Variants in CCDC150 observed in about 807,000 individuals in gnomAD.
The protein encoded by CCDC150 is coiled-coil domain containing 150.
A neutral mutation model predicts 156.5 loss-of-function variants in CCDC150; 151 were observed. The observed-to-expected ratio is 0.97, with a 90% CI of 0.85 to 1.10. The LOEUF (loss-of-function observed/expected upper bound fraction) is 1.10. Among genes scored for constraint, CCDC150 ranks in the 50% least tolerant of loss-of-function variants. The pLI is 0.00. For missense variants in CCDC150, 1,312 were observed against 1,268.1 expected (o/e 1.03, Z -0.53); for synonymous variants, 452 against 429.4 (o/e 1.05, Z -0.65).
chr2:196,717,617 C>T (rs1466782055), intron 17 of CCDC150, among the ~76,000 whole-genome samples: 1 of 152,076 alleles, frequency 6.6e-6, no homozygotes, highest in Non-Finnish European at 1.5e-5. Context: ...AGGGGCGGGG[C>T]GTGGTTTCTC....
At chr2:196,713,002 A>G in intron 17 of CCDC150, 1 of 506,828 alleles carries the variant, frequency 2.0e-6, no homozygotes, top group Non-Finnish European at 3.5e-6. Context: ...TGTGTCTATG[A>G]TATTTGTGTA....
chr2:196,646,302 A>G, intron 1 of CCDC150, 39 bp from the exon 2 acceptor site: 1 of 1,596,108 alleles, frequency 6.3e-7, no homozygotes, highest in Non-Finnish European at 8.6e-7. Flanking sequence ...TTGAACAATA[A>G]TAGGACCTAC....
intron 13 of CCDC150, among the ~76,000 whole-genome samples, chr2:196,678,040 C>T (rs997727508): frequency 6.6e-6 from 1 of 152,082 alleles, no homozygotes; most frequent in African/African-American, 2.4e-5. Context: ...TACCTATCAG[C>T]ACCTGCCACT....
rs1553567366 is a variant in CCDC150 at position 196,721,361 on chromosome 2, T to TATATACACACATATATAC, written c.2260-156_2260-155insCACACATATATACATATA. 3.6e-4 allele frequency among the ~76,000 whole-genome samples: 18 copies of TATATACACACATATATAC among 49,832 alleles called. 6 individuals carry two copies. In the East Asian group the frequency reaches 0.011, roughly 31 times the overall value. 32.7% of individuals were successfully genotyped at this position (49,832 alleles called of 152,430 possible). A position where few individuals can be genotyped will look rare whatever the true frequency, so the allele number is the denominator to read the frequency against. ...ATTCATATATGTGTGTGCATATATATATATATATTTTCCAGGCAGCTGGAA... is the reference window on the plus strand; with the variant it reads ...ATTCATATATGTGTGTGCATATATATATATACACACATATATACATATATATTTTCCAGGCAGCTGGAA... On this transcript the variant is annotated intron_variant, in intron 20 of 27. Coordinates refer to ENST00000389175, the MANE Select transcript of CCDC150 (RefSeq NM_001080539.2).
At chr2:196,686,589 A>T (rs922546641) in intron 13 of CCDC150, among the ~76,000 whole-genome samples, 1 of 152,086 alleles carries the variant, frequency 6.6e-6, no homozygotes, top group Non-Finnish European at 1.5e-5. Context: ...GTTGTCGTGC[A>T]ATAGAGAGTA....
chr2:196,680,459 A>C (rs1280051500), intron 13 of CCDC150, among the ~76,000 whole-genome samples: 2 of 151,544 alleles, frequency 1.3e-5, no homozygotes, highest in African/African-American at 2.4e-5. Flanking sequence ...ATGCCACCAC[A>C]CTCAGCTAAT....
intron 10 of CCDC150, among the ~76,000 whole-genome samples, chr2:196,675,450 A>G (rs1694436561): frequency 6.6e-6 from 1 of 152,166 alleles, no homozygotes; most frequent in African/African-American, 2.4e-5. Flanking sequence ...GCAATCAAAT[A>G]TTGTTAAAAT....
At chr2:196,699,364 A>T (rs896678660) in intron 14 of CCDC150, among the ~76,000 whole-genome samples, 1 of 152,204 alleles carries the variant, frequency 6.6e-6, no homozygotes, top group African/African-American at 2.4e-5. Context: ...CCAAAGCCTA[A>T]TATTGGGTAT....
At position 196,639,752 on chromosome 2, in the gene CCDC150, G is replaced by A. The variant is rs1162180146; in HGVS notation, c.-15G>A. On this transcript the variant is annotated 5_prime_UTR_variant, in exon 1 of 28. Coordinates refer to ENST00000389175, the MANE Select transcript of CCDC150 (RefSeq NM_001080539.2). ...ACCCGCTCGCCTGCTGCAGTACGGA[G>A]CCTCAGGCGGACAGATGGACTGTAA... 2.5e-6 allele frequency: 4 copies of A among 1,570,120 alleles called. No individual in the cohort carries two copies. Among genetic ancestry groups the A allele is most frequent in the Non-Finnish European group, 3.5e-6 (4 of 1,153,518 alleles).
At chr2:196,696,168 A>T (rs1695814454) in intron 14 of CCDC150, among the ~76,000 whole-genome samples, 1 of 152,272 alleles carries the variant, frequency 6.6e-6, no homozygotes, top group Admixed American at 6.5e-5. Context: ...TCAGTTTCTT[A>T]ATCTGTCAAA....
intron 13 of CCDC150, among the ~76,000 whole-genome samples, chr2:196,690,682 T>C (rs1695406672): frequency 6.6e-6 from 1 of 152,176 alleles, no homozygotes; most frequent in Non-Finnish European, 1.5e-5. Context: ...TTTTTCTATT[T>C]GAATGCCCTT....
At chr2:196,716,843 ATTCT>A (rs1697537867) in intron 17 of CCDC150, among the ~76,000 whole-genome samples, 1 of 126,212 alleles carries the variant, frequency 7.9e-6, no homozygotes, top group Non-Finnish European at 1.7e-5. Context: ...TTAAAATAAC[ATTCT>A]TTTTTTTTTT....
At position 196,719,554 on chromosome 2, in the gene CCDC150, A is replaced by G. The variant is rs1179666535; in HGVS notation, c.2053A>G (p.Ile685Val). 8.1e-6 allele frequency: 13 copies of G among 1,612,822 alleles called. No homozygotes were observed. The highest frequency in any genetic ancestry group is 2.2e-5 in the South Asian group (2 of 90,852). ...EAKEDNCKVT[I>V]MLENVLASHS... ...TAAAGAAGACAACTGCAAAGTCACAATCATGTTGGAGAATGTGCTGGCTTC... is the reference window on the plus strand; with the variant it reads ...TAAAGAAGACAACTGCAAAGTCACAGTCATGTTGGAGAATGTGCTGGCTTC... The change falls in exon 19 of 28, where the codon ATC (isoleucine) becomes GTC (valine). Residue 685 changes from isoleucine (I) to valine (V), a missense_variant. Transcript: ENST00000389175.
At position 196,670,377 on chromosome 2, in the gene CCDC150, T is replaced by C. The variant is rs1365973918; in HGVS notation, c.936+501T>C. On this transcript the variant is annotated intron_variant, in intron 8 of 27. Coordinates refer to ENST00000389175, the MANE Select transcript of CCDC150 (RefSeq NM_001080539.2). ...TTGGATGCTATCTCATCCTGTGTTA[T>C]ATGTTGTCTGTTTTTCTTGAGATGC... is the stretch of plus-strand genomic sequence containing the variant. 3.3e-5 allele frequency among the ~76,000 whole-genome samples: 5 copies of C among 152,258 alleles called. No homozygotes were observed. The East Asian group carries it at 7.7e-4, about 24-fold the overall frequency.
chr2:196,691,934 C>G (rs1022981476), intron 13 of CCDC150, among the ~76,000 whole-genome samples: 3 of 152,010 alleles, frequency 2.0e-5, no homozygotes, highest in Non-Finnish European at 4.4e-5. Context: ...GAGCAAGACT[C>G]CATCTCAAAA....
At chr2:196,683,960 T>A (rs540827371) in intron 13 of CCDC150, among the ~76,000 whole-genome samples, 2 of 152,044 alleles carry the variant, frequency 1.3e-5, no homozygotes, top group Non-Finnish European at 2.9e-5. Flanking sequence ...AACCAACTTG[T>A]GGAAGTTTTT....
Position 196,656,956 on chromosome 2 carries a change from A to G in CCDC150, c.398-2A>G. The G allele has an allele frequency of 1.2e-6, 2 of 1,613,288 alleles. No individual in the cohort carries two copies. On this transcript the variant is annotated splice_acceptor_variant, in intron 3 of 27. Coordinates refer to ENST00000389175, the MANE Select transcript of CCDC150 (RefSeq NM_001080539.2). LOFTEE classifies it high-confidence loss of function. Reference sequence around the variant, plus strand: ...TGATGCCCCTCCTGTGCGGTCTGGTAGCTTTTCTGAAAGATCGACTGAATG... The same window carrying G: ...TGATGCCCCTCCTGTGCGGTCTGGTGGCTTTTCTGAAAGATCGACTGAATG...
chr2:196,705,462 G>T (rs1439915270), intron 15 of CCDC150, among the ~76,000 whole-genome samples: 1 of 152,064 alleles, frequency 6.6e-6, no homozygotes, highest in Non-Finnish European at 1.5e-5. Context: ...TTGTCAGATG[G>T]GTAGATTGCA....
At position 196,725,954 on chromosome 2, in the gene CCDC150, C is replaced by T; in HGVS notation, c.2430-19C>T. Reference sequence around the variant, plus strand: ...AATGATTTCTAAAGGTGACTTATCACCTCTCTTCTTCAAAACAGAGACCGG... The same window carrying T: ...AATGATTTCTAAAGGTGACTTATCATCTCTCTTCTTCAAAACAGAGACCGG... On this transcript the variant is annotated intron_variant, in intron 21 of 27. Transcript: ENST00000389175. The T allele has an allele frequency of 6.3e-7, 1 of 1,577,344 alleles. No individual in the cohort carries two copies. Among genetic ancestry groups the T allele is most frequent in the Non-Finnish European group, 8.6e-7 (1 of 1,160,538 alleles).
Sources: allele counts gnomAD v4.1 joint callset (sites outside exome capture counted in the v4.1 genomes callset), GRCh38; gene constraint gnomAD v4.1.1; transcripts MANE v1.5; gene names NCBI Gene and HGNC (gene_info 2026-07-23, HGNC 2026-07-21).